The following SAMD5 variants were observed in gnomAD, a reference collection of about 807,000 sequenced individuals.
The protein encoded by SAMD5 is sterile alpha motif domain-containing protein 5.
Under a neutral mutation model 11.3 loss-of-function variants are expected in SAMD5, and 13 were observed. The observed-to-expected ratio is 1.15, with a 90% CI of 0.75 to 1.83. SAMD5 has a LOEUF of 1.83. SAMD5 is among the 40% of genes most tolerant of loss of function. The pLI is 0.00. For missense variants in SAMD5, 255 were observed against 239.1 expected, an observed-to-expected ratio of 1.07 and a Z score of -0.44; for synonymous variants, 129 against 111.3, an observed-to-expected ratio of 1.16 and a Z score of -1.00.
At chr6:147,945,431 C>A in the SAMD5 span, among the ~76,000 whole-genome samples, 10 of 152,262 alleles carry the variant, frequency 6.6e-5, no homozygotes, top group Non-Finnish European at 1.3e-4. Context: ...AGATTTTTAA[C>A]CCCCAAACGT....
At chr6:147,518,373 T>A (rs1788204300) in intron 1 of SAMD5, among the ~76,000 whole-genome samples, 1 of 152,220 alleles carries the variant, frequency 6.6e-6, no homozygotes, top group African/African-American at 2.4e-5. Flanking sequence ...GCTGCCCTCA[T>A]GAACTTTGTC....
the SAMD5 span, among the ~76,000 whole-genome samples, chr6:147,926,140 A>G: frequency 1.1e-4 from 17 of 152,302 alleles, no homozygotes; most frequent in South Asian, 3.1e-3. Flanking sequence ...TAGTACTGCA[A>G]TCAACATTCA....
chr6:147,821,552 G>A, the SAMD5 span, among the ~76,000 whole-genome samples: 34 of 152,164 alleles, frequency 2.2e-4, no homozygotes, highest in Non-Finnish European at 7.3e-5. Context: ...GCGGCACCAC[G>A]CTGACATGCT....
At chr6:147,617,054 A>G (rs1391622011) in intron 1 of SAMD5, among the ~76,000 whole-genome samples, 1 of 152,136 alleles carries the variant, frequency 6.6e-6, no homozygotes, top group Non-Finnish European at 1.5e-5. Context: ...CTCCTTGGTA[A>G]TTTAATTATT....
intron 1 of SAMD5, among the ~76,000 whole-genome samples, chr6:147,706,694 C>T (rs1203178058): frequency 6.6e-6 from 1 of 152,200 alleles, no homozygotes; most frequent in African/African-American, 2.4e-5. Flanking sequence ...GGGCTAACTG[C>T]AGGACTTGAG....
At chr6:147,842,114 T>C in the SAMD5 span, among the ~76,000 whole-genome samples, 1 of 152,158 alleles carries the variant, frequency 6.6e-6, no homozygotes, top group Non-Finnish European at 1.5e-5. Flanking sequence ...TCTCTGATAC[T>C]GATCAGTCAG....
chr6:147,579,690 C>T (rs1187457929), intron 1 of SAMD5, among the ~76,000 whole-genome samples: 1 of 152,048 alleles, frequency 6.6e-6, no homozygotes, highest in African/African-American at 2.4e-5. Flanking sequence ...TTCCTGGCCT[C>T]AGGTGATCCA....
Position 147,534,504 on chromosome 6 carries a change from G to C in SAMD5, c.459+25117G>C, listed in dbSNP as rs556283821. 9.9e-5 allele frequency among the ~76,000 whole-genome samples: 15 copies of C among 152,256 alleles called. No homozygotes were observed. The South Asian group carries it at 1.0e-3, about 11-fold the overall frequency. On this transcript the variant is annotated intron_variant, in intron 1 of 1. Transcript: ENST00000367474. ...GTAATTCACACAGAGCCGGCTGTGC[G>C]GGAGACCAGAGTTTTATTATTACTC...
the SAMD5 span, among the ~76,000 whole-genome samples, chr6:147,777,958 T>A: frequency 1.1e-4 from 17 of 152,210 alleles, no homozygotes; most frequent in African/African-American, 2.7e-4. Flanking sequence ...TTGTTAATAA[T>A]GCTGATATGG....
intron 1 of SAMD5, among the ~76,000 whole-genome samples, chr6:147,695,842 T>C (rs934429710): frequency 6.6e-6 from 1 of 152,248 alleles, no homozygotes; most frequent in African/African-American, 2.4e-5. Context: ...ATGCTTCTTA[T>C]AATTCTCTTC....
At chr6:147,766,573 A>C in the SAMD5 span, among the ~76,000 whole-genome samples, 1 of 152,224 alleles carries the variant, frequency 6.6e-6, no homozygotes. Flanking sequence ...ATGCCCAGGC[A>C]TAGTATCAAT....
the SAMD5 span, among the ~76,000 whole-genome samples, chr6:147,868,855 A>C: frequency 6.6e-6 from 1 of 152,218 alleles, no homozygotes; most frequent in Non-Finnish European, 1.5e-5. Context: ...CTCTGAGTGA[A>C]ATTTATTTCT....
the SAMD5 span, among the ~76,000 whole-genome samples, chr6:147,837,748 T>A: frequency 6.6e-6 from 1 of 152,234 alleles, no homozygotes; most frequent in African/African-American, 2.4e-5. Context: ...CTCCTACCTC[T>A]AGGCTTCCCT....
the SAMD5 span, among the ~76,000 whole-genome samples, chr6:147,767,941 G>T: frequency 1.3e-5 from 2 of 152,172 alleles, no homozygotes; most frequent in Non-Finnish European, 2.9e-5. Flanking sequence ...ACAGGAAACA[G>T]CAAACACATT....
intron 1 of SAMD5, among the ~76,000 whole-genome samples, chr6:147,732,656 G>A (rs1369028888): frequency 6.6e-6 from 1 of 152,134 alleles, no homozygotes; most frequent in African/African-American, 2.4e-5. Context: ...TTGATGGCAT[G>A]GGTCTTGTTT....
intron 1 of SAMD5, among the ~76,000 whole-genome samples, chr6:147,603,980 G>A (rs1789661006): frequency 6.6e-6 from 1 of 151,992 alleles, no homozygotes; most frequent in South Asian, 2.1e-4. Flanking sequence ...CTTATGAGGT[G>A]GCATGTATAT....
intron 1 of SAMD5, among the ~76,000 whole-genome samples, chr6:147,640,521 A>AAAAAAAAAAAAAC: frequency 6.7e-6 from 1 of 149,726 alleles, no homozygotes; most frequent in Non-Finnish European, 1.5e-5. Context: ...AAAAAAAAAA[A>AAAAAAAAAAAAAC]AGAATAACAG....
chr6:147,703,019 C>G (rs1001685356), intron 1 of SAMD5, among the ~76,000 whole-genome samples: 1 of 152,088 alleles, frequency 6.6e-6, no homozygotes. Flanking sequence ...TTTCTACTCA[C>G]CATGTGTTAC....
the SAMD5 span, among the ~76,000 whole-genome samples, chr6:147,897,391 G>C: frequency 6.6e-6 from 1 of 152,212 alleles, no homozygotes. Flanking sequence ...CCAAAGGAGA[G>C]CAGTCTTGGA....
Sources: allele counts gnomAD v4.1 joint callset (sites outside exome capture counted in the v4.1 genomes callset), GRCh38; gene constraint gnomAD v4.1.1; transcripts MANE v1.5; gene names NCBI Gene and HGNC (gene_info 2026-07-23, HGNC 2026-07-21).